The following PCDHB8 variants were observed in gnomAD, a reference collection of about 807,000 sequenced individuals.
The protein encoded by PCDHB8 is protocadherin beta-8.
For synonymous variants in PCDHB8, 385 were observed against 448.5 expected (o/e 0.86, Z 1.79); for missense variants, 836 against 1,004.0 (o/e 0.83, Z 2.26).
In PCDHB8 at chr5:141,178,101, T is replaced by G. The variant is rs1338300262; in HGVS notation, c.67T>G (p.Leu23Val). The G allele has an allele frequency of 1.2e-6, 2 of 1,611,654 alleles. No individual in the cohort carries two copies. The highest frequency in any genetic ancestry group is 1.7e-6 in the Non-Finnish European group (2 of 1,179,262). The change falls in exon 1 of 1, where the codon TTA becomes GTA. Residue 23 changes from leucine to valine, a missense_variant. Physicochemically the swap from Leu to Val is conservative, Grantham distance 32. Transcript: ENST00000239444. ...CCTTTTTTCCTTTCTCCTTTTGGGC[T>G]TATCTCTGGCGGGCGCGGCGGAACC... ...QVLFSFLLLG[L>V]SLAGAAEPRS...
rs781858766 is a variant in PCDHB8 at position 141,179,130 on chromosome 5, G to T, written c.1096G>T (p.Val366Phe). ...ACCTGAGAATGCGCCTGAAACTGTG[G>T]TTGCACTTTTCAGTGTTTCAGACCT... ...PIPENAPETV[V>F]ALFSVSDLDS... is the part of the protein sequence containing the mutation. The change falls in exon 1 of 1, where the codon GTT becomes TTT. Residue 366 changes from valine (V) to phenylalanine (F), a missense_variant. Val to Phe is a conservative substitution (Grantham distance 50). Transcript: ENST00000239444. The T allele has an allele frequency of 6.2e-7, 1 of 1,614,214 alleles. No individual in the cohort carries two copies.
rs1753498614 is a variant in PCDHB8, at chr5:141,179,771, G to C, written c.1737G>C (p.Arg579=). 6.2e-7 allele frequency: 1 copy of C among 1,611,056 alleles called. No homozygotes were observed. Among genetic ancestry groups the C allele is most frequent in the South Asian group, 1.1e-5 (1 of 90,944 alleles). ...CGCCCTGCACCGAGCTGGTGCCCCGGGCGGCCGAGCCGGGCTACCTGGTGA... is the reference window on the plus strand; with the variant it reads ...CGCCCTGCACCGAGCTGGTGCCCCGCGCGGCCGAGCCGGGCTACCTGGTGA... ...GSAPCTELVP[R]AAEPGYLVTK... is the part of the protein sequence containing the mutation. Residue 579 remains arginine (R), a synonymous_variant, in exon 1 of 1, where the codon CGG becomes CGC. Transcript: ENST00000239444.
In PCDHB8 at chr5:141,179,306, C is replaced by A. The variant is rs782077017; in HGVS notation, c.1272C>A (p.Val424=). 1.2e-6 allele frequency: 2 copies of A among 1,614,272 alleles called. No homozygotes were observed. Among genetic ancestry groups the A allele is most frequent in the Non-Finnish European group, 1.7e-6 (2 of 1,180,056 alleles). Residue 424 remains valine (V), a synonymous_variant, in exon 1 of 1, where the codon GTC becomes GTA. Transcript: ENST00000239444. The stretch of plus-strand genomic sequence containing the variant: ...CCGAGTACAACGTCACTATCACCGT[C>A]ACTGACTTAGGGACACCCAGGCTGA... ...SRAEYNVTIT[V]TDLGTPRLTT...
Position 141,180,063 on chromosome 5 carries a change from G to C in PCDHB8, c.2029G>C (p.Ala677Pro), listed in dbSNP as rs1554281529. ...FSQPYLPLPE[A>P]APAQGQADSL... ...CCAGCCCTACCTGCCGCTTCCGGAG[G>C]CTGCCCCAGCCCAGGGCCAGGCCGA... Residue 677 changes from alanine (A) to proline (P), a missense_variant, in exon 1 of 1, where the codon GCT becomes CCT. Coordinates refer to ENST00000239444, the MANE Select transcript of PCDHB8 (RefSeq NM_019120.5). 1.2e-6 allele frequency: 2 copies of C among 1,609,738 alleles called. No homozygotes were observed. Among genetic ancestry groups the C allele is most frequent in the Admixed American group, 3.3e-5 (2 of 60,004 alleles).
rs782085543 is a variant in PCDHB8, at chr5:141,180,117, T to C, written c.2083T>C (p.Leu695=). ...TCTCACCGTCTACCTGGTGGTGGCG[T>C]TGGCCTCGGTGTCTTCGCTCTTCCT... ...DSLTVYLVVA[L]ASVSSLFLFS... The change falls in exon 1 of 1, where the codon TTG becomes CTG. Residue 695 remains leucine, a synonymous_variant. Transcript: ENST00000239444. 22 of 1,610,622 alleles carry C rather than the reference T, an allele frequency of 1.4e-5. No homozygotes were observed. Among genetic ancestry groups the C allele is most frequent in the Non-Finnish European group, 1.9e-5 (22 of 1,179,834 alleles).
Position 141,178,011 on chromosome 5 carries a change from A to T in PCDHB8, c.-24A>T. The T allele has an allele frequency of 6.2e-7, 1 of 1,613,852 alleles. No individual in the cohort carries two copies. The highest frequency in any genetic ancestry group is 8.5e-7 in the Non-Finnish European group (1 of 1,179,958). On this transcript the variant is annotated 5_prime_UTR_variant, in exon 1 of 1. Transcript: ENST00000239444. ...TACAGTCCCACAGAACCGTCCTCCC[A>T]GGAAGCTGAATTCAGCAAGAACAAT...
In PCDHB8 at chr5:141,179,741, C is replaced by A. The variant is rs781953674; in HGVS notation, c.1707C>A (p.Gly569=). 6.2e-7 allele frequency: 1 copy of A among 1,611,414 alleles called. No homozygotes were observed. Among genetic ancestry groups the A allele is most frequent in the African/African-American group, 1.3e-5 (1 of 74,876 alleles). Residue 569 remains glycine (G), a synonymous_variant, in exon 1 of 1, where the codon GGC becomes GGA. Coordinates refer to ENST00000239444, the MANE Select transcript of PCDHB8 (RefSeq NM_019120.5). ...SPFVLYPLQN[G]SAPCTELVPR... ...TCGTGCTGTACCCGCTGCAGAATGG[C>A]TCCGCGCCCTGCACCGAGCTGGTGC...
rs782724408 is a variant in PCDHB8 at position 141,179,866 on chromosome 5, C to G, written c.1832C>G (p.Thr611Arg). The G allele has an allele frequency of 2.2e-5, 36 of 1,609,820 alleles. No individual in the cohort carries two copies. Among genetic ancestry groups the G allele is most frequent in the Non-Finnish European group, 2.6e-5 (31 of 1,179,672 alleles). The change falls in exon 1 of 1, where the codon ACG becomes AGG. Residue 611 changes from threonine (T) to arginine (R), a missense_variant. Transcript: ENST00000239444. ...CTGTCGTACCAGCTGCTCAAGGCCA[C>G]GGAGCCCGGGCTGTTCGGTGTGTGG... ...AWLSYQLLKA[T>R]EPGLFGVWAH...
In PCDHB8 at chr5:141,178,904, C is replaced by A. The variant is rs1403569733; in HGVS notation, c.870C>A (p.Ser290Arg). Reference sequence around the variant, plus strand: ...TTTTCCAAGCTTCAGATGAGATAAGCAAAACTTTTAAGGTCGATTTCTTGA... The same window carrying A: ...TTTTCCAAGCTTCAGATGAGATAAGAAAAACTTTTAAGGTCGATTTCTTGA... ...YSLFQASDEI[S>R]KTFKVDFLTG... Residue 290 changes from serine (S) to arginine (R), a missense_variant, in exon 1 of 1, where the codon AGC (serine) becomes AGA (arginine). Ser to Arg is a moderately radical substitution (Grantham distance 110). Coordinates refer to ENST00000239444, the MANE Select transcript of PCDHB8 (RefSeq NM_019120.5). 2 of 1,614,094 alleles carry A rather than the reference C, an allele frequency of 1.2e-6. No homozygotes were observed. The highest frequency in any genetic ancestry group is 2.2e-5 in the East Asian group (1 of 44,888).
chr5:141,179,204 A>ACCCTTCCT lies in PCDHB8; in HGVS notation c.1173_1180dup (p.Leu394ProfsTer4). The ACCCTTCCT allele has an allele frequency of 6.2e-7, 1 of 1,614,198 alleles. No individual in the cohort carries two copies. Among genetic ancestry groups the ACCCTTCCT allele is most frequent in the East Asian group, 2.2e-5 (1 of 44,872 alleles). ...TAAGTTGCTCCATTCAGGAGGATCT[A>ACCCTTCCT]CCCTTCCTCCTGAAATCTTCTGTGG... On this transcript the variant is annotated frameshift_variant, in exon 1 of 1. Transcript: ENST00000239444. LOFTEE classifies it low-confidence loss of function (END_TRUNC).
Position 141,178,116 on chromosome 5 carries a change from G to A in PCDHB8, c.82G>A (p.Ala28Thr). 6.2e-7 allele frequency: 1 copy of A among 1,610,206 alleles called. No homozygotes were observed. Among genetic ancestry groups the A allele is most frequent in the Non-Finnish European group, 8.5e-7 (1 of 1,178,472 alleles). ...FLLLGLSLAG[A>T]AEPRSYSVVE... ...CCTTTTGGGCTTATCTCTGGCGGGC[G>A]CGGCGGAACCTAGAAGCTATTCTGT... Residue 28 changes from alanine (A) to threonine (T), a missense_variant, in exon 1 of 1, where the codon GCG becomes ACG. Transcript: ENST00000239444.
chr5:141,179,286 T>C lies in PCDHB8; in HGVS notation c.1252T>C (p.Tyr418His). The change falls in exon 1 of 1, where the codon TAC becomes CAC. Residue 418 changes from tyrosine (Y) to histidine (H), a missense_variant. Physicochemically the swap from Tyr to His is moderately conservative, Grantham distance 83. Coordinates refer to ENST00000239444, the MANE Select transcript of PCDHB8 (RefSeq NM_019120.5). The part of the protein sequence containing the change: ...TPLDRESRAE[Y>H]NVTITVTDLG... ...ACTAGACAGAGAAAGCAGAGCCGAG[T>C]ACAACGTCACTATCACCGTCACTGA... 6.2e-7 allele frequency: 1 copy of C among 1,614,148 alleles called. No homozygotes were observed. Among genetic ancestry groups the C allele is most frequent in the Non-Finnish European group, 8.5e-7 (1 of 1,180,040 alleles).
rs782190775 is a variant in PCDHB8, at chr5:141,180,148, C to A, written c.2114C>A (p.Ser705Ter). ...TCGGTGTCTTCGCTCTTCCTCTTCT[C>A]GGTGCTCCTGTTCGTGGCGGTGCTG... Reference protein sequence around the residue: ...LASVSSLFLFSVLLFVAVLLC... With the variant: ...LASVSSLFLF Residue 705 changes from serine to a stop codon, truncating the protein, a stop_gained, in exon 1 of 1, where the codon TCG becomes TAG. Transcript: ENST00000239444. LOFTEE classifies it low-confidence loss of function (END_TRUNC). The A allele has an allele frequency of 4.3e-6, 7 of 1,611,722 alleles. No individual in the cohort carries two copies. The African/African-American group carries it at 6.7e-5, about 15-fold the overall frequency.
rs1554281666 is a variant in PCDHB8 at position 141,180,259 on chromosome 5, G to T, written c.2225G>T (p.Gly742Val). Residue 742 changes from glycine (G) to valine (V), a missense_variant, in exon 1 of 1, where the codon GGC (glycine) becomes GTC (valine). Physicochemically the swap from Gly to Val is moderately radical, Grantham distance 109 (BLOSUM62 -3). Transcript: ENST00000239444. ...CCAGGGCATCTGGTGGACGTGAGGGGCACCGGGAGCCTGTCTCAGAACTAT... is the reference window on the plus strand; with the variant it reads ...CCAGGGCATCTGGTGGACGTGAGGGTCACCGGGAGCCTGTCTCAGAACTAT... ...PFPGHLVDVR[G>V]TGSLSQNYQY... The T allele has an allele frequency of 3.1e-6, 5 of 1,613,718 alleles. No individual in the cohort carries two copies. Among genetic ancestry groups the T allele is most frequent in the Non-Finnish European group, 2.5e-6 (3 of 1,179,972 alleles).
In PCDHB8 at chr5:141,179,600, C is replaced by G. The variant is rs781929086; in HGVS notation, c.1566C>G (p.Tyr522Ter). The G allele has an allele frequency of 6.2e-7, 1 of 1,613,460 alleles. No individual in the cohort carries two copies. Among genetic ancestry groups the G allele is most frequent in the Admixed American group, 1.7e-5 (1 of 60,004 alleles). The change falls in exon 1 of 1, where the codon TAC becomes TAG. Residue 522 changes from tyrosine to a stop codon, truncating the protein, a stop_gained. Coordinates refer to ENST00000239444, the MANE Select transcript of PCDHB8 (RefSeq NM_019120.5). LOFTEE classifies it low-confidence loss of function (END_TRUNC). The part of the protein sequence containing the change: ...GHLFALRSLD[Y>*]EALQAFEFRV... ...TGTTCGCCCTCAGGTCGCTGGACTA[C>G]GAGGCCCTGCAGGCGTTCGAGTTCC...
Position 141,180,095 on chromosome 5 carries a change from C to G in PCDHB8, c.2061C>G (p.Leu687=), listed in dbSNP as rs782198861. 7 of 1,610,596 alleles carry G rather than the reference C, an allele frequency of 4.3e-6. No individual in the cohort carries two copies. In the South Asian group the frequency reaches 5.5e-5, roughly 13 times the overall value. ...AAPAQGQADS[L]TVYLVVALAS... ...CAGCCCAGGGCCAGGCCGACTCTCTCACCGTCTACCTGGTGGTGGCGTTGG... is the reference window on the plus strand; with the variant it reads ...CAGCCCAGGGCCAGGCCGACTCTCTGACCGTCTACCTGGTGGTGGCGTTGG... Residue 687 remains leucine (L), a synonymous_variant, in exon 1 of 1, where the codon CTC becomes CTG. Transcript: ENST00000239444.
chr5:141,180,524 A>T lies in PCDHB8; in HGVS notation c.*84A>T. 2 of 1,053,396 alleles carry T rather than the reference A, an allele frequency of 1.9e-6. No individual in the cohort carries two copies. Among genetic ancestry groups the T allele is most frequent in the Non-Finnish European group, 2.6e-6 (2 of 756,664 alleles). 65.3% of individuals were successfully genotyped at this position (1,053,396 alleles called of 1,614,324 possible). A position where few individuals can be genotyped will look rare whatever the true frequency, so the allele number is the denominator to read the frequency against. On this transcript the variant is annotated 3_prime_UTR_variant, in exon 1 of 1. Coordinates refer to ENST00000239444, the MANE Select transcript of PCDHB8 (RefSeq NM_019120.5). ...CAACTTAGCATAAATTTTAAATTACACTACATTTGCCCATAGTATTTGTCT... is the reference window on the plus strand; with the variant it reads ...CAACTTAGCATAAATTTTAAATTACTCTACATTTGCCCATAGTATTTGTCT...
rs1554281107 is a variant in PCDHB8, at chr5:141,179,108, T to C, written c.1074T>C (p.Pro358=). 2.5e-6 allele frequency: 4 copies of C among 1,614,086 alleles called. No individual in the cohort carries two copies. The Admixed American group carries it at 5.0e-5, about 20-fold the overall frequency. ...TGTCTGCATTTACCAGCCCAATACC[T>C]GAGAATGCGCCTGAAACTGTGGTTG... is the stretch of plus-strand genomic sequence containing the variant. ...VTMSAFTSPI[P]ENAPETVVAL... The change falls in exon 1 of 1, where the codon CCT becomes CCC. Residue 358 remains proline (P), a synonymous_variant. Coordinates refer to ENST00000239444, the MANE Select transcript of PCDHB8 (RefSeq NM_019120.5).
Position 141,180,333 on chromosome 5 carries a change from C to T in PCDHB8, c.2299C>T (p.Leu767Phe), listed in dbSNP as rs2740583. The T allele has an allele frequency of 0.68, 1,095,800 of 1,613,882 alleles. 376,684 individuals are homozygous for T. Among genetic ancestry groups the T allele is most frequent in the African/African-American group, 0.94 (70,574 of 75,020 alleles). The change falls in exon 1 of 1, where the codon CTC (leucine) becomes TTC (phenylalanine). Residue 767 changes from leucine to phenylalanine, a missense_variant. Physicochemically the swap from Leu to Phe is conservative, Grantham distance 22. Transcript: ENST00000239444. ...AGGSGTNEFQ[L>F]LKPVLPNIQG... ...AGGCTCAGGGACGAATGAGTTCCAGCTCCTGAAACCAGTATTACCTAATAT... is the reference window on the plus strand; with the variant it reads ...AGGCTCAGGGACGAATGAGTTCCAGTTCCTGAAACCAGTATTACCTAATAT...
Sources: allele counts gnomAD v4.1 joint callset, GRCh38; gene constraint gnomAD v4.1.1; transcripts MANE v1.5; gene names NCBI Gene and HGNC (gene_info 2026-07-23, HGNC 2026-07-21).